SPIN1: variants seen among roughly 807,000 people sequenced by gnomAD.
The protein encoded by SPIN1 is spindlin 1.
A neutral mutation model predicts 26.0 loss-of-function variants in SPIN1; 3 were observed. The observed-to-expected ratio is 0.12, with a 90% CI of 0.05 to 0.30. The LOEUF is 0.30. SPIN1 is among the 10% of genes least tolerant of loss of function. SPIN1 has a pLI of 1.00. For synonymous variants in SPIN1, 101 were observed against 116.5 expected, an observed-to-expected ratio of 0.87 and a Z score of 0.86; for missense variants, 126 against 333.4, an observed-to-expected ratio of 0.38 and a Z score of 4.84.
rs1828901894 is a variant in SPIN1 at position 88,477,103 on chromosome 9, A to G, written c.*1826A>G. The G allele has an allele frequency of 6.6e-6, 1 of 152,162 alleles. No individual in the cohort carries two copies. Among genetic ancestry groups the G allele is most frequent in the Admixed American group, 6.5e-5 (1 of 15,278 alleles). The allele number at this position is 152,162 out of a possible 1,614,324, so 9.4% of individuals were successfully genotyped here. A position where few individuals can be genotyped will look rare whatever the true frequency, so the allele number is the denominator to read the frequency against. The stretch of plus-strand genomic sequence containing the variant: ...GACAAGCTTCTGAAAGCAGTGTGAT[A>G]CCCAAGTCATAGGTGCTTCTCGTAT... On this transcript the variant is annotated 3_prime_UTR_variant, in exon 6 of 6. Coordinates refer to ENST00000375859, the MANE Select transcript of SPIN1 (RefSeq NM_006717.3).
chr9:88,434,739 T>C (rs1231418972), intron 2 of SPIN1, among the ~76,000 whole-genome samples: 1 of 152,152 alleles, frequency 6.6e-6, no homozygotes, highest in East Asian at 1.9e-4. Flanking sequence ...GTGAGTTGTT[T>C]CTACTCTTCT....
intron 1 of SPIN1, among the ~76,000 whole-genome samples, chr9:88,421,625 C>T (rs536535178): frequency 7.4e-6 from 1 of 135,318 alleles, no homozygotes; most frequent in Non-Finnish European, 1.6e-5. Flanking sequence ...CCCGCCCCAA[C>T]AAACCGTGTG....
intron 5 of SPIN1, among the ~76,000 whole-genome samples, chr9:88,471,199 T>G (rs1472006935): frequency 1.1e-4 from 16 of 152,184 alleles, no homozygotes; most frequent in African/African-American, 3.6e-4. Context: ...CTCGTTTTCT[T>G]ATAAGAGTTT....
At chr9:88,419,326 TAGC>T (rs1827629737) in intron 1 of SPIN1, among the ~76,000 whole-genome samples, 1 of 152,112 alleles carries the variant, frequency 6.6e-6, no homozygotes, top group Non-Finnish European at 1.5e-5. Flanking sequence ...CTCTTTAAAT[TAGC>T]CAATTGGAAA....
At chr9:88,436,857 C>T (rs555304214) in intron 2 of SPIN1, among the ~76,000 whole-genome samples, 14 of 149,254 alleles carry the variant, frequency 9.4e-5, no homozygotes, top group Admixed American at 2.0e-4. Context: ...CTCCGCCTCC[C>T]GGGTTCACGC....
In SPIN1 at chr9:88,439,781, A is replaced by G. The variant is rs116658785; in HGVS notation, c.53-9160A>G. Among the ~76,000 whole-genome samples, 1,121 of 152,282 alleles carry G rather than the reference A, an allele frequency of 7.4e-3. 12 individuals are homozygous for G. The highest frequency in any genetic ancestry group is 0.025 in the African/African-American group (1,050 of 41,552). On this transcript the variant is annotated intron_variant, in intron 2 of 5. Coordinates refer to ENST00000375859, the MANE Select transcript of SPIN1 (RefSeq NM_006717.3). ...TCTTCCTCCAAACTCTGCTTTTTCTAAAATTCATATAGCTTCCCACTTTCT... is the reference window on the plus strand; with the variant it reads ...TCTTCCTCCAAACTCTGCTTTTTCTGAAATTCATATAGCTTCCCACTTTCT...
chr9:88,468,620 G>A lies in SPIN1; in HGVS notation c.589+15G>A, dbSNP rs373639963. 6 of 1,441,430 alleles carry A rather than the reference G, an allele frequency of 4.2e-6. No homozygotes were observed. The highest frequency in any genetic ancestry group is 1.9e-4 in the Middle Eastern group (1 of 5,394). The allele number at this position is 1,441,430 out of a possible 1,614,324, so 89.3% of individuals were successfully genotyped here. On this transcript the variant is annotated intron_variant, in intron 5 of 5. Coordinates refer to ENST00000375859, the MANE Select transcript of SPIN1 (RefSeq NM_006717.3). The stretch of plus-strand genomic sequence containing the variant: ...GCCTGATTCCAGTAAGTATATATTG[G>A]CAACTTTTATATGTGATAATTAGAA...
At chr9:88,469,987 G>A (rs570827478) in intron 5 of SPIN1, among the ~76,000 whole-genome samples, 9 of 152,106 alleles carry the variant, frequency 5.9e-5, no homozygotes, top group East Asian at 3.9e-4. Context: ...TTTATTCTTC[G>A]AACCCCCTGG....
intron 4 of SPIN1, among the ~76,000 whole-genome samples, chr9:88,467,679 T>C (rs1367116939): frequency 2.0e-5 from 3 of 152,038 alleles, no homozygotes; most frequent in Non-Finnish European, 4.4e-5. Flanking sequence ...TTTCAAATTA[T>C]AAAGGGAAGG....
Position 88,476,159 on chromosome 9 carries a change from T to C in SPIN1, c.*882T>C, listed in dbSNP as rs931366291. The C allele has an allele frequency of 6.6e-6, 1 of 151,996 alleles. No homozygotes were observed. The highest frequency in any genetic ancestry group is 2.4e-5 in the African/African-American group (1 of 41,376). 9.4% of individuals were successfully genotyped at this position (151,996 alleles called of 1,614,324 possible). A position where few individuals can be genotyped will look rare whatever the true frequency, so the allele number is the denominator to read the frequency against. On this transcript the variant is annotated 3_prime_UTR_variant, in exon 6 of 6. Coordinates refer to ENST00000375859, the MANE Select transcript of SPIN1 (RefSeq NM_006717.3). ...CTTGTTCCACACAGTGTAATGTAGG[T>C]GTATTTTGGACAGCACATATGGTCC... is the stretch of plus-strand genomic sequence containing the variant.
chr9:88,412,041 T>C (rs936785553), intron 1 of SPIN1, among the ~76,000 whole-genome samples: 68 of 149,846 alleles, frequency 4.5e-4, no homozygotes, highest in African/African-American at 1.6e-3. Flanking sequence ...TAGCTGGGCC[T>C]TGTGGTGGGC....
At chr9:88,465,332 T>C (rs1430270879) in intron 4 of SPIN1, among the ~76,000 whole-genome samples, 1 of 152,212 alleles carries the variant, frequency 6.6e-6, no homozygotes, top group Non-Finnish European at 1.5e-5. Context: ...ATAATTTTAA[T>C]TTTAGTATCG....
rs186394952 is a variant in SPIN1 at position 88,418,696 on chromosome 9, T to A, written c.-158-7686T>A. ...ATGTTGAAATATTCATGTTTTAGCC[T>A]TTTTGGAGACAATACATTGTCATTG... is the stretch of plus-strand genomic sequence containing the variant. On this transcript the variant is annotated intron_variant, in intron 1 of 5. Transcript: ENST00000375859. 14 of 152,330 alleles carry A rather than the reference T, an allele frequency of 9.2e-5. No homozygotes were observed. In the East Asian group the frequency reaches 2.7e-3, roughly 29 times the overall value. 9.4% of individuals were successfully genotyped at this position (152,330 alleles called of 1,614,324 possible).
chr9:88,417,826 C>G (rs1018301033), intron 1 of SPIN1, among the ~76,000 whole-genome samples: 1 of 152,192 alleles, frequency 6.6e-6, no homozygotes, highest in African/African-American at 2.4e-5. Context: ...TTGGAGACTC[C>G]TGTGATTCCT....
chr9:88,437,732 T>C (rs1828035396), intron 2 of SPIN1, among the ~76,000 whole-genome samples: 1 of 152,242 alleles, frequency 6.6e-6, no homozygotes, highest in Admixed American at 6.5e-5. Flanking sequence ...TTGATTTTTC[T>C]CTATTGATTT....
At chr9:88,464,112 G>A (rs1054037037) in intron 4 of SPIN1, among the ~76,000 whole-genome samples, 4 of 152,138 alleles carry the variant, frequency 2.6e-5, no homozygotes, top group Non-Finnish European at 1.5e-5. Flanking sequence ...TATTATCTCT[G>A]TTTCCAACAA....
chr9:88,472,049 T>C (rs1019450149), intron 5 of SPIN1, among the ~76,000 whole-genome samples: 1 of 152,062 alleles, frequency 6.6e-6, no homozygotes, highest in African/African-American at 2.4e-5. Flanking sequence ...TCTGCCCACC[T>C]CAGTCTTCCA....
intron 2 of SPIN1, among the ~76,000 whole-genome samples, chr9:88,437,361 G>A (rs1828024372): frequency 1.3e-5 from 2 of 151,962 alleles, no homozygotes; most frequent in South Asian, 4.2e-4. Flanking sequence ...AGTGGAGCGT[G>A]GTGGCTCACA....
chr9:88,471,236 C>T (rs899927110), intron 5 of SPIN1, among the ~76,000 whole-genome samples: 1 of 151,850 alleles, frequency 6.6e-6, no homozygotes, highest in African/African-American at 2.4e-5. Flanking sequence ...ACTTAGAGAT[C>T]TTTGATGCAT....
Sources: allele counts gnomAD v4.1 joint callset (sites outside exome capture counted in the v4.1 genomes callset), GRCh38; gene constraint gnomAD v4.1.1; transcripts MANE v1.5; gene names NCBI Gene and HGNC (gene_info 2026-07-23, HGNC 2026-07-21).